Variants in CDH13 observed in about 807,000 individuals in gnomAD.
The protein encoded by CDH13 is cadherin 13.
In CDH13, 24 loss-of-function variants were observed where a neutral mutation model predicts 63.8. The observed-to-expected ratio is 0.38, with a 90% CI of 0.27 to 0.53. CDH13 has a LOEUF of 0.53. Ranked by LOEUF, CDH13 falls within the 20% of genes least tolerant of loss-of-function variation. The pLI is 0.85. For synonymous variants in CDH13, 503 were observed against 355.3 expected, an observed-to-expected ratio of 1.42 and a Z score of -4.67; for missense variants, 1,049 against 903.1, an observed-to-expected ratio of 1.16 and a Z score of -2.07.
In CDH13 at chr16:83,225,941, A is replaced by G. The variant is rs575476236; in HGVS notation, c.636+8444A>G. Among the ~76,000 whole-genome samples the G allele has an allele frequency of 6.6e-4, 100 of 152,314 alleles. 2 individuals carry two copies. In the South Asian group the frequency reaches 0.02, roughly 30 times the overall value. On this transcript the variant is annotated intron_variant, in intron 5 of 13. Coordinates refer to ENST00000567109, the MANE Select transcript of CDH13 (RefSeq NM_001257.5). ...ATGCAGGGGTTTCTAACACAAAATA[A>G]AAGTCAAAGATCTCATTTCTCCCAA...
intron 7 of CDH13, among the ~76,000 whole-genome samples, chr16:83,543,116 C>G (rs779254306): frequency 6.6e-6 from 1 of 152,174 alleles, no homozygotes; most frequent in African/African-American, 2.4e-5. Context: ...CTTGGCACAT[C>G]GTATGTTTTA....
At chr16:83,426,539 A>ATT (rs1181688337) in intron 6 of CDH13, among the ~76,000 whole-genome samples, 1 of 151,288 alleles carries the variant, frequency 6.6e-6, no homozygotes, top group Non-Finnish European at 1.5e-5. Context: ...ACACACACAC[A>ATT]CACACTCATG....
intron 5 of CDH13, among the ~76,000 whole-genome samples, chr16:83,263,199 G>A (rs1346538942): frequency 2.6e-5 from 4 of 152,174 alleles, no homozygotes; most frequent in Admixed American, 2.6e-4. Flanking sequence ...AAGTGATACA[G>A]GTGTTTTCAT....
chr16:83,271,452 ATT>A (rs1437617506), intron 5 of CDH13, among the ~76,000 whole-genome samples: 76 of 136,080 alleles, frequency 5.6e-4, no homozygotes, highest in Non-Finnish European at 8.1e-4. Context: ...AAAAAAAAAA[ATT>A]CATGGTTGCT....
chr16:83,322,198 C>T (rs994476094), intron 5 of CDH13, among the ~76,000 whole-genome samples: 3 of 152,256 alleles, frequency 2.0e-5, no homozygotes, highest in East Asian at 1.9e-4. Flanking sequence ...CACATTATGT[C>T]GATGAGATTA....
chr16:82,934,283 C>CTCG (rs1463606433), intron 2 of CDH13, among the ~76,000 whole-genome samples: 3 of 152,220 alleles, frequency 2.0e-5, no homozygotes, highest in Non-Finnish European at 4.4e-5. Context: ...GCTGCCAAGG[C>CTCG]TCGAGGCTTG....
At chr16:83,288,870 C>G (rs537824540) in intron 5 of CDH13, among the ~76,000 whole-genome samples, 1 of 152,138 alleles carries the variant, frequency 6.6e-6, no homozygotes, top group Non-Finnish European at 1.5e-5. Context: ...GGATATTAGA[C>G]TGAAAAGACA....
chr16:83,548,183 A>G (rs1236770200), intron 7 of CDH13, among the ~76,000 whole-genome samples: 1 of 151,976 alleles, frequency 6.6e-6, no homozygotes, highest in African/African-American at 2.4e-5. Context: ...GGGTGGGGAG[A>G]GGTAGACAGA....
chr16:83,736,405 T>C (rs570714894), intron 10 of CDH13, among the ~76,000 whole-genome samples: 18 of 152,310 alleles, frequency 1.2e-4, no homozygotes, highest in Middle Eastern at 3.4e-3. Flanking sequence ...TATTTCCTAA[T>C]TTACTCAATG....
intron 10 of CDH13, among the ~76,000 whole-genome samples, chr16:83,730,335 T>C (rs986276941): frequency 7.9e-5 from 12 of 152,228 alleles, no homozygotes; most frequent in Non-Finnish European, 1.3e-4. Context: ...GTTATTAACC[T>C]GGCATTCCCC....
At chr16:83,396,173 A>C (rs1188441852) in intron 6 of CDH13, among the ~76,000 whole-genome samples, 1 of 152,110 alleles carries the variant, frequency 6.6e-6, no homozygotes, top group Non-Finnish European at 1.5e-5. Context: ...ACATACCAGA[A>C]TTTGTTTATC....
intron 9 of CDH13, among the ~76,000 whole-genome samples, chr16:83,671,555 T>C (rs1259378766): frequency 6.6e-6 from 1 of 152,190 alleles, no homozygotes; most frequent in African/African-American, 2.4e-5. Context: ...GGCCCAAACT[T>C]AAGTTTTAAA....
At chr16:83,021,545 A>G (rs1002312388) in intron 2 of CDH13, among the ~76,000 whole-genome samples, 1 of 152,236 alleles carries the variant, frequency 6.6e-6, no homozygotes, top group African/African-American at 2.4e-5. Context: ...TTTTTCCAAG[A>G]GGAAGCCCTT....
At chr16:83,201,919 A>T (rs1339437970) in intron 4 of CDH13, among the ~76,000 whole-genome samples, 1 of 152,128 alleles carries the variant, frequency 6.6e-6, no homozygotes, top group Non-Finnish European at 1.5e-5. Context: ...TGTCTCAAAA[A>T]TAAATAAAAA....
chr16:83,721,367 C>G (rs557101003), intron 10 of CDH13: 1 of 152,370 alleles, frequency 6.6e-6, no homozygotes, highest in South Asian at 2.1e-4. Flanking sequence ...GTTGCCTTCT[C>G]TTGATCTTTG....
chr16:83,039,883 T>C lies in CDH13; in HGVS notation c.366+7665T>C, dbSNP rs144724430. Reference sequence around the variant, plus strand: ...CCACCTACCCTATGGTCAGCACCATTGATGCTTCAGAACCAGCCAAGATTT... The same window carrying C: ...CCACCTACCCTATGGTCAGCACCATCGATGCTTCAGAACCAGCCAAGATTT... On this transcript the variant is annotated intron_variant, in intron 3 of 13. Coordinates refer to ENST00000567109, the MANE Select transcript of CDH13 (RefSeq NM_001257.5). Among the ~76,000 whole-genome samples, 361 of 152,222 alleles carry C rather than the reference T, an allele frequency of 2.4e-3. 1 individual carries two copies. The highest frequency in any genetic ancestry group is 0.017 in the Middle Eastern group (5 of 294).
chr16:82,651,273 G>T (rs1475771637), intron 1 of CDH13, among the ~76,000 whole-genome samples: 3 of 152,212 alleles, frequency 2.0e-5, no homozygotes, highest in Non-Finnish European at 4.4e-5. Context: ...CACATGTGAT[G>T]TCTAATTAAA....
intron 4 of CDH13, among the ~76,000 whole-genome samples, chr16:83,185,429 A>T (rs1210796725): frequency 2.6e-5 from 4 of 152,220 alleles, no homozygotes; most frequent in Non-Finnish European, 5.9e-5. Flanking sequence ...ACACAAACAG[A>T]TCTTTAAAAA....
At chr16:82,710,775 ATATT>A (rs994568715) in intron 1 of CDH13, among the ~76,000 whole-genome samples, 2 of 147,930 alleles carry the variant, frequency 1.4e-5, no homozygotes, top group African/African-American at 4.9e-5. Flanking sequence ...ATATAAAAGT[ATATT>A]TATATACAAA....
Sources: allele counts gnomAD v4.1 joint callset (sites outside exome capture counted in the v4.1 genomes callset), GRCh38; gene constraint gnomAD v4.1.1; transcripts MANE v1.5; gene names NCBI Gene and HGNC (gene_info 2026-07-23, HGNC 2026-07-21).